Variants in ROR1 observed in about 807,000 individuals in gnomAD.
The protein encoded by ROR1 is ROR family WNT receptor 1.
A neutral mutation model predicts 78.8 loss-of-function variants in ROR1; 19 were observed. The observed-to-expected ratio is 0.24, with a 90% CI of 0.17 to 0.35. The LOEUF is 0.35. Among genes scored for constraint, ROR1 ranks in the 10% least tolerant of loss-of-function variants. The pLI, the probability that ROR1 is intolerant of heterozygous loss-of-function variation, is 1.00. For synonymous variants in ROR1, 386 were observed against 433.6 expected, an observed-to-expected ratio of 0.89 and a Z score of 1.36; for missense variants, 917 against 1,177.8, an observed-to-expected ratio of 0.78 and a Z score of 3.24.
chr1:64,154,520 T>C (rs1455642326), intron 7 of ROR1, among the ~76,000 whole-genome samples: 1 of 152,264 alleles, frequency 6.6e-6, no homozygotes, highest in Non-Finnish European at 1.5e-5. Context: ...TCCCAGATGA[T>C]GTTTCACTTT....
intron 2 of ROR1, among the ~76,000 whole-genome samples, chr1:64,015,618 T>C (rs957591094): frequency 6.6e-6 from 1 of 152,134 alleles, no homozygotes; most frequent in African/African-American, 2.4e-5. Context: ...TTCTTGTGCT[T>C]TAATTGTATA....
At chr1:64,152,045 G>A (rs1369261699) in intron 7 of ROR1, among the ~76,000 whole-genome samples, 7 of 152,118 alleles carry the variant, frequency 4.6e-5, no homozygotes, top group Non-Finnish European at 8.8e-5. Context: ...AGTGATTATG[G>A]AATGATTCCA....
chr1:64,054,286 C>CT (rs554928246), intron 4 of ROR1, among the ~76,000 whole-genome samples: 18 of 147,152 alleles, frequency 1.2e-4, no homozygotes, highest in East Asian at 4.0e-4. Flanking sequence ...GTCATTCTTG[C>CT]TTTTTTTTTT....
rs1287163623 is a variant in ROR1, at chr1:63,989,162, G to GTTTTTTTTTTT, written c.92-20138_92-20137insTTTTTTTTTTT. ...TTTTTGCCAACACTTGTCATTTTCT[G>GTTTTTTTTTTT]TTTTTGTTTTTTTTTTTTTTTAAAC... On this transcript the variant is annotated intron_variant, in intron 1 of 8. Coordinates refer to ENST00000371079, the MANE Select transcript of ROR1 (RefSeq NM_005012.4). Among the ~76,000 whole-genome samples, 14 of 117,386 alleles carry GTTTTTTTTTTT rather than the reference G, an allele frequency of 1.2e-4. 1 individual carries two copies. Among genetic ancestry groups the GTTTTTTTTTTT allele is most frequent in the African/African-American group, 2.9e-4 (10 of 34,484 alleles). 77.0% of individuals were successfully genotyped at this position (117,386 alleles called of 152,430 possible). A position where few individuals can be genotyped will look rare whatever the true frequency, so the allele number is the denominator to read the frequency against.
At chr1:64,063,337 C>T (rs1053631518) in intron 4 of ROR1, among the ~76,000 whole-genome samples, 1 of 152,182 alleles carries the variant, frequency 6.6e-6, no homozygotes, top group Non-Finnish European at 1.5e-5. Context: ...GAAATGTATG[C>T]CCTGACTTTT....
At chr1:64,059,479 G>A (rs922385244) in intron 4 of ROR1, among the ~76,000 whole-genome samples, 1 of 152,086 alleles carries the variant, frequency 6.6e-6, no homozygotes. Flanking sequence ...GGGAAGCCAG[G>A]GCAGCTGGAT....
intron 1 of ROR1, among the ~76,000 whole-genome samples, chr1:63,892,097 G>A (rs973935015): frequency 6.6e-6 from 1 of 152,132 alleles, no homozygotes; most frequent in Non-Finnish European, 1.5e-5. Context: ...AATTCAATAA[G>A]CATTCATTAA....
intron 1 of ROR1, among the ~76,000 whole-genome samples, chr1:63,990,542 G>T (rs190557246): frequency 6.6e-6 from 1 of 152,014 alleles, no homozygotes. Flanking sequence ...TTATGAGCTC[G>T]TTGACATCCA....
intron 1 of ROR1, among the ~76,000 whole-genome samples, chr1:63,825,378 A>G (rs1037460575): frequency 6.6e-6 from 1 of 152,260 alleles, no homozygotes; most frequent in Admixed American, 6.5e-5. Flanking sequence ...AGGCTACCAC[A>G]TGGATAAACC....
chr1:63,798,290 C>G (rs555836122), intron 1 of ROR1, among the ~76,000 whole-genome samples: 5 of 152,274 alleles, frequency 3.3e-5, no homozygotes, highest in African/African-American at 1.2e-4. Context: ...AATTGGAATT[C>G]TTGATATTAT....
At chr1:63,877,020 A>C (rs903480929) in intron 1 of ROR1, among the ~76,000 whole-genome samples, 1 of 152,124 alleles carries the variant, frequency 6.6e-6, no homozygotes, top group African/African-American at 2.4e-5. Flanking sequence ...TTGGAAAGGA[A>C]AAACTTTCTT....
chr1:63,999,530 C>T (rs1488379145), intron 1 of ROR1, among the ~76,000 whole-genome samples: 2 of 151,914 alleles, frequency 1.3e-5, no homozygotes, highest in Non-Finnish European at 2.9e-5. Context: ...CAGCATTTAT[C>T]ATATTATACT....
chr1:64,060,820 G>C (rs1422319528), intron 4 of ROR1, among the ~76,000 whole-genome samples: 1 of 152,184 alleles, frequency 6.6e-6, no homozygotes, highest in African/African-American at 2.4e-5. Context: ...TCTAGTGGGG[G>C]AGCGAGTAAA....
Position 64,075,201 on chromosome 1 carries a change from A to C in ROR1, c.482+24485A>C, listed in dbSNP as rs551972695. ...TTCAAGTTCTAATTTCTTAATACAC[A>C]CCCTAAAATGTTTTAAATTTAATAA... On this transcript the variant is annotated intron_variant, in intron 4 of 8. Transcript: ENST00000371079. Among the ~76,000 whole-genome samples, 27 of 152,268 alleles carry C rather than the reference A, an allele frequency of 1.8e-4. No homozygotes were observed. The South Asian group carries it at 5.6e-3, about 32-fold the overall frequency.
Position 63,797,444 on chromosome 1 carries a change from C to T in ROR1, c.91+22936C>T, listed in dbSNP as rs1644767683. On this transcript the variant is annotated intron_variant, in intron 1 of 8. Coordinates refer to ENST00000371079, the MANE Select transcript of ROR1 (RefSeq NM_005012.4). ...GGAGAGTCATGAATTTTCCCGAGTT[C>T]CTCCTCTGGGAATCACAGACTATCA... Among the ~76,000 whole-genome samples, 4 of 152,280 alleles carry T rather than the reference C, an allele frequency of 2.6e-5. No individual in the cohort carries two copies. In the South Asian group the frequency reaches 8.3e-4, roughly 32 times the overall value.
chr1:63,863,925 C>A (rs1329184342), intron 1 of ROR1, among the ~76,000 whole-genome samples: 2 of 152,104 alleles, frequency 1.3e-5, no homozygotes, highest in African/African-American at 4.8e-5. Context: ...AACTACTATT[C>A]TCGGCCTTTC....
At chr1:64,163,080 G>A (rs1403371198) in intron 8 of ROR1, among the ~76,000 whole-genome samples, 1 of 152,130 alleles carries the variant, frequency 6.6e-6, no homozygotes, top group African/African-American at 2.4e-5. Flanking sequence ...GGCAGACAGA[G>A]AGGTTAAAAG....
chr1:63,915,857 GC>G, intron 1 of ROR1, among the ~76,000 whole-genome samples: 1 of 152,172 alleles, frequency 6.6e-6, no homozygotes, highest in African/African-American at 2.4e-5. Context: ...TGTAATGGAT[GC>G]ATCAGTCCTA....
At chr1:63,997,214 C>T (rs1195770083) in intron 1 of ROR1, among the ~76,000 whole-genome samples, 1 of 152,118 alleles carries the variant, frequency 6.6e-6, no homozygotes, top group Non-Finnish European at 1.5e-5. Context: ...AGGGCTTGCC[C>T]AATTTGCCCA....
Sources: allele counts gnomAD v4.1 joint callset (sites outside exome capture counted in the v4.1 genomes callset), GRCh38; gene constraint gnomAD v4.1.1; transcripts MANE v1.5; gene names NCBI Gene and HGNC (gene_info 2026-07-23, HGNC 2026-07-21).